Variants in ATRNL1 observed in about 807,000 individuals in gnomAD.
ATRNL1 encodes attractin like 1, also known as attractin-like protein 1.
In ATRNL1, 95 loss-of-function variants were observed where a neutral mutation model predicts 182.7. The observed-to-expected ratio is 0.52, with a 90% CI of 0.44 to 0.62. The LOEUF (loss-of-function observed/expected upper bound fraction) is 0.62, where lower values mean the gene tolerates loss of function less well. Ranked by LOEUF, ATRNL1 falls within the 20% of genes least tolerant of loss-of-function variation. The probability of loss-of-function intolerance (pLI) is 0.00; values close to 1 mark genes in which losing one functional copy is unlikely to be tolerated. For synonymous variants in ATRNL1, 576 were observed against 568.3 expected, an observed-to-expected ratio of 1.01 and a Z score of -0.19; for missense variants, 1,471 against 1,679.5, an observed-to-expected ratio of 0.88 and a Z score of 2.17.
At chr10:115,707,683 T>A (rs1419233882) in intron 26 of ATRNL1, among the ~76,000 whole-genome samples, 2 of 151,804 alleles carry the variant, frequency 1.3e-5, no homozygotes, top group African/African-American at 4.8e-5. Flanking sequence ...TTAAGATTCC[T>A]TGAAAAATTT....
At chr10:115,476,838 T>G (rs1430910107) in intron 24 of ATRNL1, among the ~76,000 whole-genome samples, 5 of 151,484 alleles carry the variant, frequency 3.3e-5, no homozygotes, top group Non-Finnish European at 7.4e-5. Context: ...TACTAGAAAT[T>G]ACTCTTTTCT....
chr10:115,316,472 C>G (rs556249237), intron 18 of ATRNL1, among the ~76,000 whole-genome samples: 3 of 151,936 alleles, frequency 2.0e-5, no homozygotes, highest in Non-Finnish European at 4.4e-5. Context: ...ATGTACATAC[C>G]CAGTAATAGG....
At chr10:115,752,138 A>C (rs1201551015) in intron 27 of ATRNL1, among the ~76,000 whole-genome samples, 6 of 152,104 alleles carry the variant, frequency 3.9e-5, no homozygotes, top group African/African-American at 1.4e-4. Context: ...TAATTTACAG[A>C]AAGCAGTTTT....
chr10:115,887,972 T>A (rs1306919571), intron 28 of ATRNL1, among the ~76,000 whole-genome samples: 2 of 152,130 alleles, frequency 1.3e-5, no homozygotes, highest in African/African-American at 4.8e-5. Context: ...AAAAGAGTAA[T>A]CTTTTGGATA....
chr10:115,587,580 C>T (rs926728409), intron 26 of ATRNL1, among the ~76,000 whole-genome samples: 8 of 133,236 alleles, frequency 6.0e-5, no homozygotes, highest in South Asian at 5.7e-4. Context: ...TGACCCCTTG[C>T]GCTTCCCGAG....
intron 9 of ATRNL1, among the ~76,000 whole-genome samples, chr10:115,231,817 G>A (rs1259424405): frequency 6.6e-6 from 1 of 151,970 alleles, no homozygotes; most frequent in Non-Finnish European, 1.5e-5. Context: ...TATTTTCTCA[G>A]TGAAGTAGGA....
intron 19 of ATRNL1, among the ~76,000 whole-genome samples, chr10:115,362,378 TACA>T (rs1437393724): frequency 5.3e-5 from 8 of 152,106 alleles, no homozygotes; most frequent in Non-Finnish European, 7.4e-5. Context: ...ATTTATAATA[TACA>T]ACATCATGTT....
At chr10:115,902,006 T>C (rs1279910240) in intron 28 of ATRNL1, among the ~76,000 whole-genome samples, 1 of 152,188 alleles carries the variant, frequency 6.6e-6, no homozygotes, top group African/African-American at 2.4e-5. Flanking sequence ...TTATGTTTTC[T>C]TTTTCACATT....
At chr10:115,248,365 C>A (rs1592320175) in intron 10 of ATRNL1, among the ~76,000 whole-genome samples, 2 of 151,860 alleles carry the variant, frequency 1.3e-5, no homozygotes, top group South Asian at 4.2e-4. Flanking sequence ...GGGAAGAAGG[C>A]AGGACAAAGA....
intron 9 of ATRNL1, among the ~76,000 whole-genome samples, chr10:115,234,124 G>A (rs972116014): frequency 6.6e-6 from 1 of 152,012 alleles, no homozygotes; most frequent in Non-Finnish European, 1.5e-5. Context: ...TCTTCAGGGT[G>A]TAGAGTTTTA....
chr10:115,741,606 G>A (rs1948141745), intron 27 of ATRNL1, among the ~76,000 whole-genome samples: 2 of 152,164 alleles, frequency 1.3e-5, no homozygotes, highest in Admixed American at 1.3e-4. Context: ...GCATTTTCTA[G>A]CATCAACTGG....
intron 8 of ATRNL1, among the ~76,000 whole-genome samples, chr10:115,175,837 T>C (rs1447389393): frequency 2.0e-5 from 3 of 152,074 alleles, no homozygotes; most frequent in Admixed American, 6.6e-5. Flanking sequence ...TACAAAATGA[T>C]GGGTAAATGT....
chr10:115,569,733 T>C (rs1854279724), intron 26 of ATRNL1, among the ~76,000 whole-genome samples: 2 of 151,964 alleles, frequency 1.3e-5, no homozygotes, highest in South Asian at 4.2e-4. Flanking sequence ...CTGGTATGAG[T>C]TGAAAATATT....
chr10:115,374,371 T>C (rs1857550465), intron 19 of ATRNL1, among the ~76,000 whole-genome samples: 1 of 151,584 alleles, frequency 6.6e-6, no homozygotes, highest in African/African-American at 2.4e-5. Flanking sequence ...GCTGTGATTT[T>C]TATTATTTCT....
chr10:115,469,408 A>G (rs547024032), intron 24 of ATRNL1, 79 bp downstream of exon 24: 11 of 924,722 alleles, frequency 1.2e-5, no homozygotes, highest in Admixed American at 6.1e-5. Flanking sequence ...AAGTGATGAT[A>G]TATGTACATT....
chr10:115,759,726 AG>A (rs1948684963), intron 27 of ATRNL1, among the ~76,000 whole-genome samples: 1 of 149,418 alleles, frequency 6.7e-6, no homozygotes, highest in Admixed American at 6.7e-5. Flanking sequence ...CCCCGGCTGG[AG>A]TGCAGTGGCA....
At chr10:115,772,624 T>TGTGTGTGTGTGA (rs1949023059) in intron 27 of ATRNL1, among the ~76,000 whole-genome samples, 1 of 151,740 alleles carries the variant, frequency 6.6e-6, no homozygotes, top group South Asian at 2.1e-4. Context: ...TGTGTGTGTG[T>TGTGTGTGTGTGA]GTGTGTGTAT....
chr10:115,572,873 C>G (rs1202227488), intron 26 of ATRNL1, among the ~76,000 whole-genome samples: 1 of 152,136 alleles, frequency 6.6e-6, no homozygotes, highest in Non-Finnish European at 1.5e-5. Flanking sequence ...TTTGGTTGCC[C>G]TGCAGCTCAA....
intron 28 of ATRNL1, among the ~76,000 whole-genome samples, chr10:115,910,060 C>T (rs1246465827): frequency 1.3e-5 from 2 of 152,102 alleles, no homozygotes; most frequent in Non-Finnish European, 1.5e-5. Context: ...CTTGGCACTC[C>T]GGAAGAGTTC....
Sources: allele counts gnomAD v4.1 joint callset (sites outside exome capture counted in the v4.1 genomes callset), GRCh38; gene constraint gnomAD v4.1.1; transcripts MANE v1.5; gene names NCBI Gene and HGNC (gene_info 2026-07-23, HGNC 2026-07-21).